ROBO1: variants seen among roughly 807,000 people sequenced by gnomAD.
The protein encoded by ROBO1 is roundabout guidance receptor 1.
A neutral mutation model predicts 195.9 loss-of-function variants in ROBO1; 149 were observed. The observed-to-expected ratio is 0.76, with a 90% CI of 0.67 to 0.87. The LOEUF is 0.87. Ranked by LOEUF, ROBO1 falls within the 40% of genes least tolerant of loss-of-function variation. The pLI, the probability that ROBO1 is intolerant of heterozygous loss-of-function variation, is 0.00. For missense variants in ROBO1, 1,933 were observed against 2,068.3 expected, an observed-to-expected ratio of 0.93 and a Z score of 1.27; for synonymous variants, 816 against 733.2, an observed-to-expected ratio of 1.11 and a Z score of -1.82.
intron 21 of ROBO1, among the ~76,000 whole-genome samples, chr3:78,640,344 ATAGATTCTTCAAAT>A (rs1705864440): frequency 1.3e-5 from 2 of 152,186 alleles, no homozygotes; most frequent in South Asian, 4.1e-4. Context: ...TACTCAGACA[ATAGATTCTTCAAAT>A]TAAATGTACT....
intron 2 of ROBO1, among the ~76,000 whole-genome samples, chr3:79,396,182 T>G (rs1021065707): frequency 6.6e-6 from 1 of 152,132 alleles, no homozygotes; most frequent in Non-Finnish European, 1.5e-5. Context: ...AACAGCAGTA[T>G]GGTGTTTAAA....
intron 3 of ROBO1, among the ~76,000 whole-genome samples, chr3:79,048,527 C>A (rs779772359): frequency 6.6e-6 from 1 of 152,164 alleles, no homozygotes; most frequent in Non-Finnish European, 1.5e-5. Context: ...GGCATCCACG[C>A]AGCTGAGTGT....
intron 1 of ROBO1, among the ~76,000 whole-genome samples, chr3:79,706,655 T>C (rs1224803268): frequency 1.3e-5 from 2 of 152,032 alleles, no homozygotes; most frequent in African/African-American, 4.8e-5. Context: ...CTGATGGTTT[T>C]ATGGGGGCGG....
intron 3 of ROBO1, among the ~76,000 whole-genome samples, chr3:78,945,437 A>G (rs1000128670): frequency 6.6e-6 from 1 of 152,154 alleles, no homozygotes; most frequent in East Asian, 1.9e-4. Context: ...AGCAAACTCT[A>G]ACAGACCTGC....
At chr3:78,614,994 C>T (rs1704031793) in intron 27 of ROBO1, among the ~76,000 whole-genome samples, 194 bp from the exon 28 acceptor site, 1 of 152,078 alleles carries the variant, frequency 6.6e-6, no homozygotes, top group South Asian at 2.1e-4. Flanking sequence ...AAAAATACCC[C>T]AAAAGCATTT....
At chr3:79,653,099 A>C (rs548878673) in intron 1 of ROBO1, among the ~76,000 whole-genome samples, 143 of 151,966 alleles carry the variant, frequency 9.4e-4, no homozygotes, top group Non-Finnish European at 1.7e-3. Flanking sequence ...AATTTTGATT[A>C]ATGAAAAAAT....
chr3:79,713,735 T>C (rs1288178712), intron 1 of ROBO1, among the ~76,000 whole-genome samples: 6 of 152,186 alleles, frequency 3.9e-5, no homozygotes, highest in African/African-American at 2.4e-5. Context: ...AGGTCTAACA[T>C]GTAAGTCTTT....
At chr3:78,682,937 A>C (rs966350231) in intron 10 of ROBO1, among the ~76,000 whole-genome samples, 1 of 151,954 alleles carries the variant, frequency 6.6e-6, no homozygotes, top group Non-Finnish European at 1.5e-5. Flanking sequence ...TCAGCTGCAC[A>C]TAAAAACAGT....
chr3:79,666,189 A>T lies in ROBO1; in HGVS notation c.-50-76228T>A, dbSNP rs995739180. Among the ~76,000 whole-genome samples, 3 of 152,060 alleles carry T rather than the reference A, an allele frequency of 2.0e-5. No individual in the cohort carries two copies. The East Asian group carries it at 5.9e-4, about 30-fold the overall frequency. The stretch of plus-strand genomic sequence containing the variant: ...ATGCTCTCTGAGAATGGCTAGCACA[A>T]ACATTAATTTATACAATCTGGCTAG... On this transcript the variant is annotated intron_variant, in intron 1 of 30. Coordinates refer to ENST00000464233, the MANE Select transcript of ROBO1 (RefSeq NM_002941.4).
intron 1 of ROBO1, among the ~76,000 whole-genome samples, chr3:79,753,040 G>C (rs1276596513): frequency 6.6e-5 from 10 of 152,030 alleles, no homozygotes; most frequent in Non-Finnish European, 1.5e-4. Flanking sequence ...AATGAGGGCA[G>C]ACAAATGAAG....
At chr3:79,018,755 G>A in intron 3 of ROBO1, 2 of 1,168,148 alleles carry the variant, frequency 1.7e-6, no homozygotes, top group East Asian at 4.3e-5. Flanking sequence ...AGCCGAGGCA[G>A]AAGCGCAGTA....
In ROBO1 at chr3:79,576,117, A is replaced by G. The variant is rs540879356; in HGVS notation, c.88+13707T>C. 3.3e-3 allele frequency among the ~76,000 whole-genome samples: 505 copies of G among 152,100 alleles called. 2 individuals are homozygous for G. Among genetic ancestry groups the G allele is most frequent in the African/African-American group, 0.011 (444 of 41,534 alleles). On this transcript the variant is annotated intron_variant, in intron 2 of 30. Transcript: ENST00000464233. ...AATACTGTATCACCTGACATTATAC[A>G]TTGAATAGTCTGCTGAGACATTTGA...
intron 22 of ROBO1, among the ~76,000 whole-genome samples, chr3:78,636,388 A>T (rs973269706): frequency 6.6e-6 from 1 of 152,184 alleles, no homozygotes; most frequent in African/African-American, 2.4e-5. Context: ...AATAATTTTC[A>T]TTTAATAACC....
intron 3 of ROBO1, among the ~76,000 whole-genome samples, chr3:78,950,242 C>G (rs2040697807): frequency 6.6e-6 from 1 of 151,944 alleles, no homozygotes; most frequent in Non-Finnish European, 1.5e-5. Context: ...TTCACAATAG[C>G]AAAGACTTGG....
intron 1 of ROBO1, among the ~76,000 whole-genome samples, chr3:79,742,037 A>G (rs1703668964): frequency 6.6e-6 from 1 of 152,220 alleles, no homozygotes; most frequent in African/African-American, 2.4e-5. Context: ...ATGTGTGAAT[A>G]AAGAGATGAT....
intron 2 of ROBO1, among the ~76,000 whole-genome samples, chr3:79,446,624 T>G (rs2039267056): frequency 6.6e-6 from 1 of 152,222 alleles, no homozygotes; most frequent in Non-Finnish European, 1.5e-5. Flanking sequence ...CATCTTGTTC[T>G]TGATGTGCAT....
intron 4 of ROBO1, among the ~76,000 whole-genome samples, chr3:78,798,011 A>G (rs1035561508): frequency 6.6e-6 from 1 of 152,172 alleles, no homozygotes; most frequent in African/African-American, 2.4e-5. Context: ...TAAATCCACC[A>G]CAACTGTTGA....
At chr3:78,982,995 C>T (rs2077032582) in intron 3 of ROBO1, among the ~76,000 whole-genome samples, 1 of 151,988 alleles carries the variant, frequency 6.6e-6, no homozygotes, top group Non-Finnish European at 1.5e-5. Flanking sequence ...GCAACCTCTG[C>T]CACCTGGGCT....
intron 5 of ROBO1, among the ~76,000 whole-genome samples, chr3:78,732,534 T>A (rs1478148025): frequency 1.3e-5 from 2 of 152,184 alleles, no homozygotes; most frequent in East Asian, 3.8e-4. Context: ...CATGCAAACA[T>A]GTGCTTATTA....
Sources: allele counts gnomAD v4.1 joint callset (sites outside exome capture counted in the v4.1 genomes callset), GRCh38; gene constraint gnomAD v4.1.1; transcripts MANE v1.5; gene names NCBI Gene and HGNC (gene_info 2026-07-23, HGNC 2026-07-21).